The following TRAPPC9 variants were observed in gnomAD, a reference collection of about 807,000 sequenced individuals.
TRAPPC9 encodes the protein IKK2 binding protein.
Under a neutral mutation model 124.0 loss-of-function variants are expected in TRAPPC9, and 83 were observed. The ratio of observed to expected loss-of-function variants is 0.67; its 90% CI spans 0.56 to 0.80. TRAPPC9 has a LOEUF of 0.80. TRAPPC9 is among the 30% of genes least tolerant of loss of function. The pLI, the probability that TRAPPC9 is intolerant of heterozygous loss-of-function variation, is 0.00. For synonymous variants in TRAPPC9, 638 were observed against 617.5 expected (o/e 1.03, Z -0.49); for missense variants, 1,302 against 1,508.3 (o/e 0.86, Z 2.27).
intron 3 of TRAPPC9, among the ~76,000 whole-genome samples, chr8:140,436,372 T>A (rs994580168): frequency 6.6e-6 from 1 of 152,128 alleles, no homozygotes; most frequent in Non-Finnish European, 1.5e-5. Context: ...AATAAAATAA[T>A]AAGCTTGTCA....
At chr8:139,894,560 GA>G (rs548021425) in intron 20 of TRAPPC9, among the ~76,000 whole-genome samples, 95 of 152,126 alleles carry the variant, frequency 6.2e-4, no homozygotes, top group South Asian at 2.1e-3. Flanking sequence ...GCAGCGGAGG[GA>G]GGGGGGGGCT....
chr8:140,256,528 G>T (rs1267252209), intron 15 of TRAPPC9, among the ~76,000 whole-genome samples: 1 of 150,970 alleles, frequency 6.6e-6, no homozygotes. Context: ...CTCCACGCAG[G>T]ACCCCCGGGC....
intron 20 of TRAPPC9, among the ~76,000 whole-genome samples, chr8:139,895,655 G>C (rs528834423): frequency 6.6e-6 from 1 of 152,296 alleles, no homozygotes; most frequent in African/African-American, 2.4e-5. Context: ...GGCCTGGGAC[G>C]CTGGGACACA....
At chr8:139,978,386 G>A (rs945020207) in intron 19 of TRAPPC9, among the ~76,000 whole-genome samples, 4 of 152,296 alleles carry the variant, frequency 2.6e-5, no homozygotes, top group African/African-American at 9.6e-5. Flanking sequence ...TTTAAACACC[G>A]GCTGGGTACT....
At chr8:139,793,160 G>A (rs1175768903) in intron 21 of TRAPPC9, among the ~76,000 whole-genome samples, 2 of 152,188 alleles carry the variant, frequency 1.3e-5, no homozygotes, top group African/African-American at 4.8e-5. Flanking sequence ...ATCTCTCGGA[G>A]CCTACATTTC....
At chr8:139,767,975 A>G (rs1181309629) in intron 21 of TRAPPC9, among the ~76,000 whole-genome samples, 1 of 152,230 alleles carries the variant, frequency 6.6e-6, no homozygotes, top group African/African-American at 2.4e-5. Context: ...AGACCCTTTG[A>G]CTCAGGGTCT....
intron 19 of TRAPPC9, among the ~76,000 whole-genome samples, chr8:139,987,595 C>A (rs1373910438): frequency 1.3e-5 from 2 of 151,980 alleles, no homozygotes; most frequent in Non-Finnish European, 2.9e-5. Context: ...AAAACAAAAT[C>A]TAGGATGTGG....
intron 16 of TRAPPC9, among the ~76,000 whole-genome samples, chr8:140,235,917 G>C (rs1188217087): frequency 6.6e-6 from 1 of 151,984 alleles, no homozygotes; most frequent in African/African-American, 2.4e-5. Flanking sequence ...AAGAACAAAT[G>C]CAACACACAA....
At chr8:140,036,481 G>C (rs953252196) in intron 17 of TRAPPC9, among the ~76,000 whole-genome samples, 3 of 136,060 alleles carry the variant, frequency 2.2e-5, no homozygotes, top group Admixed American at 1.4e-4. Context: ...TTAGATTCTT[G>C]ACCGAAAAAA....
At chr8:139,764,714 G>A (rs1044960676) in intron 21 of TRAPPC9, among the ~76,000 whole-genome samples, 1 of 152,210 alleles carries the variant, frequency 6.6e-6, no homozygotes, top group Non-Finnish European at 1.5e-5. Context: ...TGGTGTGTAC[G>A]TAGGGCATGT....
chr8:139,911,813 T>C (rs1378934110), intron 19 of TRAPPC9, among the ~76,000 whole-genome samples: 3 of 152,010 alleles, frequency 2.0e-5, no homozygotes, highest in Admixed American at 6.6e-5. Flanking sequence ...GCTATTCCCT[T>C]GAACGAGCAA....
intron 21 of TRAPPC9, among the ~76,000 whole-genome samples, chr8:139,752,408 A>ACCAT (rs200531976): frequency 0.03 from 4,457 of 148,838 alleles, 214 homozygotes; most frequent in African/African-American, 0.1. Context: ...CCACCCATCT[A>ACCAT]CCGTCCATCC....
chr8:140,212,614 A>G (rs1012470473), intron 17 of TRAPPC9, among the ~76,000 whole-genome samples: 2 of 152,126 alleles, frequency 1.3e-5, no homozygotes, highest in East Asian at 3.9e-4. Context: ...AGAAATGTTG[A>G]CCTCACAGAA....
chr8:140,259,217 C>G lies in TRAPPC9; in HGVS notation c.2279-6288G>C, dbSNP rs549301327. On this transcript the variant is annotated intron_variant, in intron 15 of 22. Transcript: ENST00000438773. The stretch of plus-strand genomic sequence containing the variant: ...TGCCAGGAATGCCCCGCTCACTTTC[C>G]CAAATACAGAAACTCTATGCGTCCT... 4.6e-5 allele frequency among the ~76,000 whole-genome samples: 7 copies of G among 152,352 alleles called. No individual in the cohort carries two copies. In the South Asian group the frequency reaches 1.4e-3, roughly 32 times the overall value.
At chr8:140,042,281 TAGATGATC>T (rs1392629881) in intron 17 of TRAPPC9, among the ~76,000 whole-genome samples, 7 of 152,018 alleles carry the variant, frequency 4.6e-5, no homozygotes, top group Non-Finnish European at 8.8e-5. Context: ...AAAATGGGTA[TAGATGATC>T]AGTATACAAT....
chr8:139,854,271 A>G (rs1297484586), intron 21 of TRAPPC9, among the ~76,000 whole-genome samples: 1 of 152,160 alleles, frequency 6.6e-6, no homozygotes, highest in Non-Finnish European at 1.5e-5. Flanking sequence ...AAGTCATCTC[A>G]CTTTCTTTGA....
chr8:139,757,665 C>T (rs144090171), intron 21 of TRAPPC9, among the ~76,000 whole-genome samples: 20 of 152,082 alleles, frequency 1.3e-4, no homozygotes, highest in African/African-American at 4.3e-4. Flanking sequence ...TAGAGGGAGT[C>T]CCCCCAGCCC....
intron 21 of TRAPPC9, among the ~76,000 whole-genome samples, chr8:139,796,157 A>AGAG (rs576585599): frequency 1.3e-5 from 2 of 149,576 alleles, no homozygotes; most frequent in African/African-American, 2.5e-5. Flanking sequence ...AGGAGGAGGA[A>AGAG]GAGGAGGAGG....
rs571282539 is a variant in TRAPPC9, at chr8:140,059,936, G to A, written c.2557-35857C>T. On this transcript the variant is annotated intron_variant, in intron 17 of 22. Coordinates refer to ENST00000438773, the MANE Select transcript of TRAPPC9 (RefSeq NM_001160372.4). ...TTCTAACAATCAACTCAAAGTCTGT[G>A]TACGCTAACACCATCATCCTTATCA... is the stretch of plus-strand genomic sequence containing the variant. Among the ~76,000 whole-genome samples the A allele has an allele frequency of 3.9e-5, 6 of 152,252 alleles. No individual in the cohort carries two copies. In the South Asian group the frequency reaches 1.2e-3, roughly 32 times the overall value.
Sources: allele counts gnomAD v4.1 joint callset (sites outside exome capture counted in the v4.1 genomes callset), GRCh38; gene constraint gnomAD v4.1.1; transcripts MANE v1.5; gene names NCBI Gene and HGNC (gene_info 2026-07-23, HGNC 2026-07-21).